The following WWC2 variants were observed in gnomAD, a reference collection of about 807,000 sequenced individuals.
WWC2 encodes the protein WW and C2 domain containing 2.
Under a neutral mutation model 138.5 loss-of-function variants are expected in WWC2, and 101 were observed. That is an observed-to-expected ratio of 0.73 (90% CI 0.62 to 0.86). The LOEUF is 0.86. Ranked by LOEUF, WWC2 falls within the 40% of genes least tolerant of loss-of-function variation. The probability of loss-of-function intolerance (pLI) is 0.00; values close to 1 mark genes in which losing one functional copy is unlikely to be tolerated. For synonymous variants in WWC2, 558 were observed against 538.4 expected, an observed-to-expected ratio of 1.04 and a Z score of -0.50; for missense variants, 1,420 against 1,419.4, an observed-to-expected ratio of 1.00 and a Z score of -0.01.
At chr4:183,102,346 A>G (rs1433588232) in intron 1 of WWC2, among the ~76,000 whole-genome samples, 2 of 152,198 alleles carry the variant, frequency 1.3e-5, no homozygotes, top group Non-Finnish European at 2.9e-5. Context: ...AATAGTAGAA[A>G]TACTAGCATG....
chr4:183,161,709 A>C (rs1473611507), intron 1 of WWC2, among the ~76,000 whole-genome samples: 1 of 152,202 alleles, frequency 6.6e-6, no homozygotes, highest in Non-Finnish European at 1.5e-5. Flanking sequence ...TATTCTGTAC[A>C]GTATCATGCT....
At chr4:183,235,071 C>T (rs1736375107) in intron 4 of WWC2, among the ~76,000 whole-genome samples, 1 of 152,174 alleles carries the variant, frequency 6.6e-6, no homozygotes, top group Admixed American at 6.5e-5. Context: ...ATTCATTTCA[C>T]TTATGGGAGC....
intron 1 of WWC2, among the ~76,000 whole-genome samples, chr4:183,139,779 G>A (rs1430080555): frequency 2.0e-5 from 3 of 152,104 alleles, no homozygotes; most frequent in Non-Finnish European, 2.9e-5. Flanking sequence ...ACCATATAAC[G>A]TTAGTTCTCA....
In WWC2 at chr4:183,315,663, G is replaced by A; in HGVS notation, c.3513G>A (p.Arg1171=). The part of the protein sequence containing the change: ...QKVPRQVQSF[R]EKIAYFTRAK... ...AATTTATTTCTCACCCCAACTCTAG[G>A]GAGAAGATTGCCTACTTCACCAGAG... is the stretch of plus-strand genomic sequence containing the variant. Residue 1171 remains arginine (R), a splice_region_variant and synonymous_variant, in exon 23 of 23, where the codon AGG becomes AGA. Transcript: ENST00000403733. 6.2e-7 allele frequency: 1 copy of A among 1,612,466 alleles called. No individual in the cohort carries two copies. Among genetic ancestry groups the A allele is most frequent in the Non-Finnish European group, 8.5e-7 (1 of 1,178,988 alleles).
intron 1 of WWC2, among the ~76,000 whole-genome samples, chr4:183,147,203 T>C (rs1579985973): frequency 6.6e-6 from 1 of 152,320 alleles, no homozygotes; most frequent in East Asian, 1.9e-4. Flanking sequence ...AACTTTTGAG[T>C]TCTTGTTCTA....
intron 2 of WWC2, among the ~76,000 whole-genome samples, chr4:183,200,126 A>G (rs1405282338): frequency 1.3e-5 from 2 of 152,196 alleles, no homozygotes; most frequent in Non-Finnish European, 2.9e-5. Flanking sequence ...CTCTTGTAAT[A>G]TGCGGTGTTT....
intron 1 of WWC2, among the ~76,000 whole-genome samples, chr4:183,174,805 CT>C (rs1734410195): frequency 6.6e-6 from 1 of 152,056 alleles, no homozygotes. Flanking sequence ...CTTTCTCTCT[CT>C]CTCTGTCTCT....
chr4:183,202,196 G>C (rs758291892), intron 2 of WWC2, among the ~76,000 whole-genome samples: 3 of 152,104 alleles, frequency 2.0e-5, no homozygotes, highest in Non-Finnish European at 2.9e-5. Flanking sequence ...TTCTCTGGGG[G>C]GTGGTGTAGG....
intron 1 of WWC2, among the ~76,000 whole-genome samples, chr4:183,101,179 T>C (rs1743169525): frequency 6.6e-6 from 1 of 152,282 alleles, no homozygotes; most frequent in Non-Finnish European, 1.5e-5. Flanking sequence ...TTGAAATATT[T>C]AGGCATTCTA....
At chr4:183,215,694 T>C (rs966044384) in intron 4 of WWC2, among the ~76,000 whole-genome samples, 6 of 152,200 alleles carry the variant, frequency 3.9e-5, no homozygotes, top group Non-Finnish European at 5.9e-5. Context: ...TTGAAGGGTA[T>C]GAAACTGCAG....
chr4:183,125,127 C>T (rs1732721811), intron 1 of WWC2, among the ~76,000 whole-genome samples: 2 of 152,156 alleles, frequency 1.3e-5, no homozygotes, highest in Non-Finnish European at 1.5e-5. Context: ...AGGGCTTCTT[C>T]ATGCCCGCAG....
chr4:183,127,661 G>A (rs910351662), intron 1 of WWC2, among the ~76,000 whole-genome samples: 4 of 152,046 alleles, frequency 2.6e-5, no homozygotes, highest in Non-Finnish European at 5.9e-5. Context: ...ACCAAAAAGG[G>A]GGGAATAACT....
At chr4:183,286,632 C>G (rs1738263734) in intron 20 of WWC2, among the ~76,000 whole-genome samples, 2 of 152,112 alleles carry the variant, frequency 1.3e-5, no homozygotes. Flanking sequence ...TCAAGTAGTT[C>G]AGAAATTCCT....
intron 21 of WWC2, among the ~76,000 whole-genome samples, chr4:183,302,294 T>G (rs895086399): frequency 1.3e-5 from 2 of 152,182 alleles, no homozygotes; most frequent in Non-Finnish European, 2.9e-5. Flanking sequence ...GCCTTAAAGG[T>G]GTCTGAAGCA....
chr4:183,208,504 C>T (rs35677379), intron 3 of WWC2, among the ~76,000 whole-genome samples: 3,480 of 152,266 alleles, frequency 0.023, 57 homozygotes, highest in Non-Finnish European at 0.037. Flanking sequence ...GGAACTGGAA[C>T]TATTACCTAG....
chr4:183,120,837 C>T (rs1316357172), intron 1 of WWC2, among the ~76,000 whole-genome samples: 1 of 152,166 alleles, frequency 6.6e-6, no homozygotes, highest in Non-Finnish European at 1.5e-5. Flanking sequence ...GCTGACTGAC[C>T]TCCTGGGCTC....
At chr4:183,138,742 A>G (rs547304712) in intron 1 of WWC2, among the ~76,000 whole-genome samples, 1 of 152,178 alleles carries the variant, frequency 6.6e-6, no homozygotes, top group South Asian at 2.1e-4. Flanking sequence ...TGGCCTGAAC[A>G]TTCTTTATTT....
intron 1 of WWC2, among the ~76,000 whole-genome samples, chr4:183,178,440 A>T (rs902962968): frequency 3.3e-5 from 5 of 151,574 alleles, no homozygotes; most frequent in Non-Finnish European, 5.9e-5. Context: ...TTAGCCAGGC[A>T]TAGTGGCACA....
At chr4:183,303,074 AAAAAAAG>A (rs1738910809) in intron 21 of WWC2, among the ~76,000 whole-genome samples, 1 of 151,912 alleles carries the variant, frequency 6.6e-6, no homozygotes, top group African/African-American at 2.4e-5. Context: ...AAAAAAAAAA[AAAAAAAG>A]GATTTGTGTA....
Sources: allele counts gnomAD v4.1 joint callset (sites outside exome capture counted in the v4.1 genomes callset), GRCh38; gene constraint gnomAD v4.1.1; transcripts MANE v1.5; gene names NCBI Gene and HGNC (gene_info 2026-07-23, HGNC 2026-07-21).